TDRD5: variants seen among roughly 807,000 people sequenced by gnomAD.
TDRD5 encodes the protein tudor domain containing 5.
TDRD5 carries 41 observed loss-of-function variants against 120.6 expected under a neutral mutation model. The ratio of observed to expected loss-of-function variants is 0.34; its 90% CI spans 0.26 to 0.44. The LOEUF (loss-of-function observed/expected upper bound fraction) is 0.44, where lower values mean the gene tolerates loss of function less well. Among genes scored for constraint, TDRD5 ranks in the 20% least tolerant of loss-of-function variants. TDRD5 has a pLI of 1.00. For missense variants in TDRD5, 1,006 were observed against 1,221.2 expected, an observed-to-expected ratio of 0.82 and a Z score of 2.63; for synonymous variants, 430 against 433.7, an observed-to-expected ratio of 0.99 and a Z score of 0.11.
At chr1:179,605,127 T>C (rs1675904529) in intron 4 of TDRD5, among the ~76,000 whole-genome samples, 1 of 152,182 alleles carries the variant, frequency 6.6e-6, no homozygotes, top group Non-Finnish European at 1.5e-5. Context: ...TTATATAATG[T>C]CCCTCTTTGT....
chr1:179,594,180 A>G (rs1405151253), intron 3 of TDRD5, among the ~76,000 whole-genome samples: 1 of 152,230 alleles, frequency 6.6e-6, no homozygotes, highest in Non-Finnish European at 1.5e-5. Context: ...TCTCTAGAAC[A>G]CTGTAAATGA....
intron 11 of TDRD5, among the ~76,000 whole-genome samples, chr1:179,645,676 G>A (rs1248729382): frequency 6.6e-6 from 1 of 152,094 alleles, no homozygotes; most frequent in Non-Finnish European, 1.5e-5. Flanking sequence ...AAAGAAGTGT[G>A]GCTTTTGTCT....
intron 6 of TDRD5, 61 bp from the exon 7 acceptor site, chr1:179,630,706 A>G (rs955689549): frequency 3.2e-6 from 5 of 1,547,820 alleles, no homozygotes; most frequent in Non-Finnish European, 4.4e-6. Flanking sequence ...AAGGACAACT[A>G]TATATGTTAT....
At chr1:179,648,863 A>G (rs7519436) in intron 11 of TDRD5, among the ~76,000 whole-genome samples, 52,057 of 151,928 alleles carry the variant, frequency 0.34, 9,103 homozygotes, top group Admixed American at 0.42. Flanking sequence ...GTCAGGACCC[A>G]TTTTCCTTCA....
intron 11 of TDRD5, 52 bp downstream of exon 11, chr1:179,640,497 G>A (rs141131816): frequency 4.1e-5 from 63 of 1,551,492 alleles, no homozygotes; most frequent in Middle Eastern, 1.7e-4. Context: ...TGCCTATTAT[G>A]TGCCAATAAC....
intron 6 of TDRD5, among the ~76,000 whole-genome samples, chr1:179,628,572 G>T (rs1344298420): frequency 6.6e-6 from 1 of 151,460 alleles, no homozygotes; most frequent in Non-Finnish European, 1.5e-5. Context: ...CTCCCAAAGT[G>T]CTGGGATAAC....
At chr1:179,634,769 T>A in intron 8 of TDRD5, 140 bp downstream of exon 8, 1 of 1,052,096 alleles carries the variant, frequency 9.5e-7, no homozygotes, top group Non-Finnish European at 1.3e-6. Flanking sequence ...CATCTTTGTA[T>A]TGAAGTTATG....
chr1:179,595,899 T>A, intron 4 of TDRD5, 81 bp downstream of exon 4: 1 of 1,381,406 alleles, frequency 7.2e-7, no homozygotes, highest in Non-Finnish European at 9.6e-7. Context: ...GATGGAAAAG[T>A]TGACCTTTTA....
chr1:179,657,253 G>A (rs1429090371), intron 14 of TDRD5, among the ~76,000 whole-genome samples: 1 of 152,114 alleles, frequency 6.6e-6, no homozygotes, highest in East Asian at 1.9e-4. Context: ...TGAACATGGT[G>A]TATCTCCCCA....
At chr1:179,616,144 A>G (rs999863029) in intron 4 of TDRD5, among the ~76,000 whole-genome samples, 7 of 152,194 alleles carry the variant, frequency 4.6e-5, no homozygotes, top group Non-Finnish European at 8.8e-5. Flanking sequence ...GACCTTTGTC[A>G]TAAGCCATGA....
rs774105535 is a variant in TDRD5, at chr1:179,630,893, G to C, written c.1099G>C (p.Asp367His). The change falls in exon 7 of 18, where the codon GAT becomes CAT. Residue 367 changes from aspartate to histidine, a missense_variant. This residue lies in a region of TDRD5 where 445 missense variants were observed against 515.5 expected (regional missense o/e 0.86). Coordinates refer to ENST00000444136, the MANE Select transcript of TDRD5 (RefSeq NM_001199085.3). ...AGGACACCAAGACTTACTAGTGTTT[G>C]ATGCGGATAAGAAGCCTCTACCACC... is the stretch of plus-strand genomic sequence containing the variant. ...RKGHQDLLVF[D>H]ADKKPLPPVQ... 8 of 1,613,368 alleles carry C rather than the reference G, an allele frequency of 5.0e-6. No homozygotes were observed. The East Asian group carries it at 1.8e-4, about 36-fold the overall frequency.
At chr1:179,668,269 C>G (rs1007137825) in intron 16 of TDRD5, among the ~76,000 whole-genome samples, 1 of 152,180 alleles carries the variant, frequency 6.6e-6, no homozygotes, top group Non-Finnish European at 1.5e-5. Flanking sequence ...GAGCATGCAG[C>G]TCTTGCCTCC....
intron 9 of TDRD5, 94 bp from the exon 10 acceptor site, chr1:179,639,744 CT>C: frequency 1.5e-6 from 2 of 1,348,258 alleles, no homozygotes; most frequent in South Asian, 1.4e-5. Context: ...CTTTTCTTTG[CT>C]TTTTGCCAAG....
chr1:179,618,133 T>A (rs1676654775), intron 4 of TDRD5, among the ~76,000 whole-genome samples: 1 of 152,096 alleles, frequency 6.6e-6, no homozygotes, highest in African/African-American at 2.4e-5. Context: ...TTTCCCCCAC[T>A]CTCTTTGCTT....
intron 13 of TDRD5, 92 bp downstream of exon 13, chr1:179,652,289 GAA>G (rs1489738588): frequency 8.3e-6 from 11 of 1,329,744 alleles, no homozygotes; most frequent in Non-Finnish European, 1.1e-5. Context: ...CCAAATTTTG[GAA>G]AGTTTGGAAA....
rs149069542 is a variant in TDRD5 at position 179,595,161 on chromosome 1, G to A, written c.641-467G>A. The stretch of plus-strand genomic sequence containing the variant: ...TCATGCAACAGAATACACCTCTCCA[G>A]TGGTATTCCCCCTTCCTACAAATCT... On this transcript the variant is annotated intron_variant, in intron 3 of 17. Transcript: ENST00000444136. 1.2e-3 allele frequency among the ~76,000 whole-genome samples: 184 copies of A among 151,628 alleles called. 1 individual carries two copies. The highest frequency in any genetic ancestry group is 6.8e-3 in the Middle Eastern group (2 of 294).
At chr1:179,682,257 T>C (rs1680463159) in intron 17 of TDRD5, among the ~76,000 whole-genome samples, 1 of 151,926 alleles carries the variant, frequency 6.6e-6, no homozygotes, top group Admixed American at 6.6e-5. Context: ...TTTTTTATTA[T>C]TACTATACTT....
rs530504982 is a variant in TDRD5, at chr1:179,685,556, T to C, written c.2861-5140T>C. Among the ~76,000 whole-genome samples the C allele has an allele frequency of 7.6e-4, 116 of 152,282 alleles. 1 individual carries two copies. Among genetic ancestry groups the C allele is most frequent in the Non-Finnish European group, 1.3e-3 (88 of 68,028 alleles). Reference sequence around the variant, plus strand: ...TTTTGGTTCCATATGAACTTTAAAGTAGTGTTTTCCAATTCTGTGAAGAAG... The same window carrying C: ...TTTTGGTTCCATATGAACTTTAAAGCAGTGTTTTCCAATTCTGTGAAGAAG... On this transcript the variant is annotated intron_variant, in intron 17 of 17. Transcript: ENST00000444136.
At chr1:179,616,749 T>G (rs1676583886) in intron 4 of TDRD5, among the ~76,000 whole-genome samples, 1 of 152,182 alleles carries the variant, frequency 6.6e-6, no homozygotes, top group Non-Finnish European at 1.5e-5. Flanking sequence ...CATGTCTGTC[T>G]GCAGAATTCT....
Sources: allele counts gnomAD v4.1 joint callset (sites outside exome capture counted in the v4.1 genomes callset), GRCh38; gene constraint gnomAD v4.1.1; regional missense constraint gnomAD v4.1.1; transcripts MANE v1.5; gene names NCBI Gene and HGNC (gene_info 2026-07-23, HGNC 2026-07-21).